MSH6: variants seen among roughly 807,000 people sequenced by gnomAD.
The protein encoded by MSH6 is mutS homolog 6, also known as DNA mismatch repair protein Msh6.
Under a neutral mutation model 119.1 loss-of-function variants are expected in MSH6, and 85 were observed. The observed-to-expected ratio is 0.71, with a 90% CI of 0.60 to 0.85. The LOEUF is 0.85. MSH6 is among the 40% of genes least tolerant of loss of function. The pLI, the probability that MSH6 is intolerant of heterozygous loss-of-function variation, is 0.00. For missense variants in MSH6, 2,163 were observed against 1,655.3 expected, an observed-to-expected ratio of 1.31 and a Z score of -5.32; for synonymous variants, 830 against 586.9, an observed-to-expected ratio of 1.41 and a Z score of -5.99.
At chr2:47,805,570 A>T (rs1029766296) in intron 6 of MSH6, 48 bp from the exon 7 acceptor site, 3 of 1,225,984 alleles carry the variant, frequency 2.4e-6, no homozygotes, top group Non-Finnish European at 3.6e-6. Context: ...AATTTATGTA[A>T]TATGATTTGC....
chr2:47,801,312 A>T (rs1217377444), intron 4 of MSH6, 157 bp downstream of exon 4: 8 of 593,122 alleles, frequency 1.3e-5, no homozygotes, highest in Admixed American at 3.2e-5. Flanking sequence ...CAGCAATTTA[A>T]GTTACTTGAA....
intron 5 of MSH6, 49 bp downstream of exon 5, chr2:47,803,734 G>A (rs1325502796): frequency 6.2e-7 from 1 of 1,606,622 alleles, no homozygotes; most frequent in African/African-American, 1.3e-5. Flanking sequence ...TGTGACATTA[G>A]GAATAACATA....
chr2:47,809,687 C>G, downstream of MSH6: 1 of 1,613,050 alleles, frequency 6.2e-7, no homozygotes, highest in Non-Finnish European at 8.5e-7. Flanking sequence ...GTTGCAGTTG[C>G]GTGATTTGTA....
chr2:47,795,863 C>A (rs1195887074), intron 2 of MSH6, 31 bp from the exon 3 acceptor site: 1 of 1,606,142 alleles, frequency 6.2e-7, no homozygotes, highest in Non-Finnish European at 8.5e-7. Context: ...TGCACCCGGC[C>A]CTTATTGTTT....
At chr2:47,807,352 T>C (rs1355412699), downstream of MSH6, 1 of 211,936 alleles carries the variant, frequency 4.7e-6, no homozygotes, top group African/African-American at 2.3e-5. Context: ...TTACAGTGCA[T>C]CCCTTCCTAG....
chr2:47,783,626 G>C lies in MSH6; in HGVS notation c.260+133G>C, dbSNP rs1668152511. The C allele has an allele frequency of 4.2e-6, 4 of 955,302 alleles. No individual in the cohort carries two copies. In the Admixed American group the frequency reaches 1.4e-4, roughly 34 times the overall value. 59.2% of individuals were successfully genotyped at this position (955,302 alleles called of 1,614,324 possible). The stretch of plus-strand genomic sequence containing the variant: ...TGGGCTCGGAGGAGGCGGGGCCGCA[G>C]AGTTGGCTTGAATGAGTGCAGGGGT... On this transcript the variant is annotated intron_variant, in intron 1 of 9. Coordinates refer to ENST00000234420, the MANE Select transcript of MSH6 (RefSeq NM_000179.3).
intron 7 of MSH6, 70 bp downstream of exon 7, chr2:47,805,777 A>C: frequency 8.4e-7 from 1 of 1,191,508 alleles, no homozygotes; most frequent in Non-Finnish European, 1.3e-6. Context: ...CTATTTTTAT[A>C]GAAGATTATC....
rs1449733937 is a variant in MSH6 at position 47,806,820 on chromosome 2, A to C, written c.4043A>C (p.Glu1348Ala). Residue 1348 changes from glutamate to alanine, a missense_variant, in exon 10 of 10, where the codon GAA (glutamate) becomes GCA (alanine). Transcript: ENST00000234420. ...LASERSTVDAEAVHKLLTLIK... is the reference protein window; with the variant it reads ...LASERSTVDAAAVHKLLTLIK... The stretch of plus-strand genomic sequence containing the variant: ...AGTGAAAGGTCAACTGTAGATGCTG[A>C]AGCTGTCCATAAATTGCTGACTTTG... 6.2e-7 allele frequency: 1 copy of C among 1,612,054 alleles called. No homozygotes were observed. Among genetic ancestry groups the C allele is most frequent in the Non-Finnish European group, 8.5e-7 (1 of 1,179,242 alleles).
In MSH6 at chr2:47,799,419, AAGT is replaced by A. The variant is rs1669331455; in HGVS notation, c.1439_1441del (p.Val480del). On this transcript the variant is annotated inframe_deletion, in exon 4 of 10. Transcript: ENST00000234420. ...GATTCCCTGGTGCAGAAGGGCTATA[AAGT>A]AGCACGAGTGGAACAGACTGAGACT... is the stretch of plus-strand genomic sequence containing the variant. The A allele has an allele frequency of 6.2e-7, 1 of 1,614,046 alleles. No individual in the cohort carries two copies.
At chr2:47,808,065 G>A (rs1670348616), downstream of MSH6, 4 of 1,468,086 alleles carry the variant, frequency 2.7e-6, no homozygotes, top group African/African-American at 1.4e-5. Flanking sequence ...TTCCAAAAAA[G>A]TGTTTTAAGT....
chr2:47,809,610 C>A, downstream of MSH6: 1 of 1,611,164 alleles, frequency 6.2e-7, no homozygotes, highest in Non-Finnish European at 8.5e-7. Context: ...CTTTCATTGT[C>A]ACATTAACAC....
At chr2:47,807,261 T>C (rs948329602), downstream of MSH6, 11 of 225,750 alleles carry the variant, frequency 4.9e-5, no homozygotes, top group East Asian at 6.6e-4. Context: ...ACTGTTTGTT[T>C]TGAAGAGACT....
In MSH6 at chr2:47,803,475, C is replaced by T. The variant is rs786203698; in HGVS notation, c.3228C>T (p.Arg1076=). ...GAGGGGGTGATGGTCCTATGTGTCG[C>T]CCAGTAATTCTGTTGCCGGAAGATA... The part of the protein sequence containing the change: ...YSRGGDGPMC[R]PVILLPEDTP... Residue 1076 remains arginine, a synonymous_variant, in exon 5 of 10, where the codon CGC becomes CGT. Coordinates refer to ENST00000234420, the MANE Select transcript of MSH6 (RefSeq NM_000179.3). 1.1e-5 allele frequency: 17 copies of T among 1,614,114 alleles called. No individual in the cohort carries two copies. Among genetic ancestry groups the T allele is most frequent in the Non-Finnish European group, 1.4e-5 (17 of 1,180,030 alleles).
At chr2:47,803,822 C>A in intron 5 of MSH6, 137 bp downstream of exon 5, 2 of 899,994 alleles carry the variant, frequency 2.2e-6, no homozygotes, top group East Asian at 2.5e-5. Context: ...AAATTACTCC[C>A]TGTGTTATAA....
chr2:47,798,556 A>G (rs1669233634), intron 3 of MSH6, 55 bp from the exon 4 acceptor site: 1 of 1,583,094 alleles, frequency 6.3e-7, no homozygotes, highest in African/African-American at 1.3e-5. Context: ...ACTGTCTTAC[A>G]TTATGGTTTT....
Position 47,788,907 on chromosome 2 carries a change from C to CTTTTTTTTTTT in MSH6, c.261-2016_261-2006dup, listed in dbSNP as rs1558650117. On this transcript the variant is annotated intron_variant, in intron 1 of 9. Transcript: ENST00000234420. ...CTATTTCTTTCTTTCTTTCTTCTTCCTTTTTTTTTTTTTTGTTTTTTTTTT... is the reference window on the plus strand; with the variant it reads ...CTATTTCTTTCTTTCTTTCTTCTTCCTTTTTTTTTTTTTTTTTTTTTTTTTGTTTTTTTTTT... Among the ~76,000 whole-genome samples the CTTTTTTTTTTT allele has an allele frequency of 5.8e-4, 10 of 17,274 alleles. 1 individual carries two copies. The highest frequency in any genetic ancestry group is 1.3e-3 in the African/African-American group (5 of 3,798). The allele number at this position is 17,274 out of a possible 152,430, so 11.3% of individuals were successfully genotyped here.
chr2:47,784,245 A>G, intron 1 of MSH6: 1 of 999,200 alleles, frequency 1.0e-6, no homozygotes, highest in Non-Finnish European at 1.2e-6. Flanking sequence ...TTCGGTAGGT[A>G]GGCTGCACGT....
chr2:47,809,728 A>T, downstream of MSH6: 1 of 1,483,996 alleles, frequency 6.7e-7, no homozygotes, highest in African/African-American at 1.4e-5. Flanking sequence ...ATTTACAAAC[A>T]AGTAGATACA....
intron 4 of MSH6, chr2:47,801,360 A>ATTTTTTTTTTTTTTTT: frequency 5.2e-5 from 3 of 58,160 alleles, no homozygotes; most frequent in Non-Finnish European, 9.0e-5. Flanking sequence ...GCCTTTCTTC[A>ATTTTTTTTTTTTTTTT]GTTTTTTTTT....
Sources: gnomAD v4.1 joint callset for allele counts (sites outside exome capture counted in the v4.1 genomes callset) on GRCh38, gnomAD v4.1.1 for gene constraint, MANE v1.5 for transcripts, NCBI Gene and HGNC (gene_info 2026-07-23, HGNC 2026-07-21) for gene names.